R3HCC1: variants seen among roughly 807,000 people sequenced by gnomAD.
R3HCC1 encodes R3H domain and coiled-coil containing 1, also known as R3H and coiled-coil domain-containing protein 1.
R3HCC1 carries 32 observed loss-of-function variants against 40.0 expected under a neutral mutation model. The observed-to-expected ratio is 0.80, with a 90% CI of 0.60 to 1.07. The LOEUF (loss-of-function observed/expected upper bound fraction) is 1.07, where lower values mean the gene tolerates loss of function less well. Ranked by LOEUF, R3HCC1 falls within the 50% of genes least tolerant of loss-of-function variation. The pLI, the probability that R3HCC1 is intolerant of heterozygous loss-of-function variation, is 0.00. For synonymous variants in R3HCC1, 237 were observed against 232.8 expected, an observed-to-expected ratio of 1.02 and a Z score of -0.17; for missense variants, 586 against 563.3, an observed-to-expected ratio of 1.04 and a Z score of -0.41.
Position 23,294,765 on chromosome 8 carries a change from A to G in R3HCC1, c.1097-4A>G. 6.5e-7 allele frequency: 1 copy of G among 1,550,280 alleles called. No individual in the cohort carries two copies. Among genetic ancestry groups the G allele is most frequent in the East Asian group, 2.4e-5 (1 of 40,860 alleles). On this transcript the variant is annotated splice_polypyrimidine_tract_variant and splice_region_variant and intron_variant, in intron 6 of 7. Transcript: ENST00000265806. ...GTGGCTCCACGCCTGCTTTCTTTCC[A>G]CAGCTGCGGAAGCCCTGACCCGGGA...
chr8:23,295,698 G>T, intron 7 of R3HCC1: 1 of 549,610 alleles, frequency 1.8e-6, no homozygotes, highest in Non-Finnish European at 3.3e-6. Flanking sequence ...AGGTGTGCAG[G>T]ATGAACCCCT....
In R3HCC1 at chr8:23,296,032, C is replaced by G; in HGVS notation, c.1258C>G (p.Arg420Gly). 6.4e-6 allele frequency: 10 copies of G among 1,550,738 alleles called. No homozygotes were observed. The highest frequency in any genetic ancestry group is 8.7e-6 in the Non-Finnish European group (10 of 1,146,908). The change falls in exon 8 of 8, where the codon CGG becomes GGG. Residue 420 changes from arginine to glycine, a missense_variant. Coordinates refer to ENST00000265806, the MANE Select transcript of R3HCC1 (RefSeq NM_001136108.3). The stretch of plus-strand genomic sequence containing the variant: ...GACTGTGGCCCGGCGGCTGGTGGCC[C>G]GGGCCCTGGGACTCCAACACAAAAA...
At chr8:23,288,402 TG>T in intron 1 of R3HCC1, 103 bp from the exon 2 acceptor site, 11 of 1,454,054 alleles carry the variant, frequency 7.6e-6, no homozygotes, top group Non-Finnish European at 1.0e-5. Context: ...CACCGAGCCT[TG>T]GACCAGAGGG....
chr8:23,292,190 C>T (rs7827086), intron 5 of R3HCC1, among the ~76,000 whole-genome samples: 3,568 of 152,036 alleles, frequency 0.023, 57 homozygotes, highest in African/African-American at 0.04. Context: ...TGCAGTGGTA[C>T]GATCACAGCT....
At chr8:23,288,456 G>A (rs1211323331) in intron 1 of R3HCC1, 50 bp from the exon 2 acceptor site, 4 of 1,526,762 alleles carry the variant, frequency 2.6e-6, no homozygotes, top group Admixed American at 2.0e-5. Flanking sequence ...GGTCGCGGGA[G>A]ATCCGGGGGT....
rs1170035948 is a variant in R3HCC1 at position 23,295,729 on chromosome 8, CAG to C, written c.1193-234_1193-233del. On this transcript the variant is annotated intron_variant, in intron 7 of 7. Transcript: ENST00000265806. Reference sequence around the variant, plus strand: ...CCCCTCAGCCCCCTCACTGTAGAGACAGAGAAACAAGGGCATGTAGAGGCGAC... The same window carrying C: ...CCCCTCAGCCCCCTCACTGTAGAGACAGAAACAAGGGCATGTAGAGGCGAC... The C allele has an allele frequency of 2.6e-5, 15 of 585,636 alleles. No individual in the cohort carries two copies. In the Admixed American group the frequency reaches 3.1e-4, roughly 12 times the overall value. The allele number at this position is 585,636 out of a possible 1,614,324, so 36.3% of individuals were successfully genotyped here.
At chr8:23,294,584 G>A (rs967071332) in intron 6 of R3HCC1, among the ~76,000 whole-genome samples, 185 bp from the exon 7 acceptor site, 1 of 152,216 alleles carries the variant, frequency 6.6e-6, no homozygotes, top group African/African-American at 2.4e-5. Context: ...GTGCGGGCCT[G>A]TGGGGCTCTG....
In R3HCC1 at chr8:23,291,402, G is replaced by A. The variant is rs1291720677; in HGVS notation, c.894G>A (p.Lys298=). The A allele has an allele frequency of 6.4e-7, 1 of 1,551,820 alleles. No homozygotes were observed. The highest frequency in any genetic ancestry group is 8.7e-7 in the Non-Finnish European group (1 of 1,146,972). ...CGAAGAAGGAGATTCAGATAGAGAA[G>A]ATCCATTTGGACACATCCTCCTTCG... Residue 298 remains lysine (K), a synonymous_variant, in exon 5 of 8, where the codon AAG becomes AAA. Transcript: ENST00000265806.
chr8:23,294,923 A>ATG (rs371962059), intron 7 of R3HCC1, 59 bp downstream of exon 7: 146 of 1,214,626 alleles, frequency 1.2e-4, no homozygotes, highest in African/African-American at 3.5e-4. Context: ...GCGTGCGAGC[A>ATG]TGTGTGTGTG....
intron 1 of R3HCC1, 58 bp downstream of exon 1, chr8:23,288,215 A>C: frequency 8.3e-7 from 1 of 1,203,374 alleles, no homozygotes; most frequent in East Asian, 5.2e-5. Flanking sequence ...CCGGGTGGGA[A>C]GGAGCAGCTG....
In R3HCC1 at chr8:23,288,123, C is replaced by A; in HGVS notation, c.-53C>A. 1.6e-6 allele frequency: 2 copies of A among 1,258,096 alleles called. No homozygotes were observed. Among genetic ancestry groups the A allele is most frequent in the Admixed American group, 2.7e-5 (1 of 37,410 alleles). 77.9% of individuals were successfully genotyped at this position (1,258,096 alleles called of 1,614,324 possible). On this transcript the variant is annotated 5_prime_UTR_variant, in exon 1 of 8. Transcript: ENST00000265806. ...GCTCGGGCGCGCTGGCCCCTGGGGA[C>A]GCCGAGGGCGGCTGCGACGCGCCGA...
intron 5 of R3HCC1, 121 bp downstream of exon 5, chr8:23,291,654 G>A (rs1399507725): frequency 4.1e-6 from 6 of 1,451,506 alleles, no homozygotes; most frequent in East Asian, 2.5e-5. Flanking sequence ...ACAGAAAGTG[G>A]GTGTGTTGCC....
chr8:23,294,923 ATGTGTGTGTGTGCG>A (rs368449069), intron 7 of R3HCC1, 59 bp downstream of exon 7: 14 of 1,215,014 alleles, frequency 1.2e-5, no homozygotes, highest in African/African-American at 4.6e-5. Context: ...GCGTGCGAGC[ATGTGTGTGTGTGCG>A]TGTGTGTGTG....
At position 23,290,183 on chromosome 8, in the gene R3HCC1, C is replaced by G. The variant is rs765200882; in HGVS notation, c.566C>G (p.Thr189Ser). ...GATCAGGGACTCCCTGTGCTGATGA[C>G]TCAGGGAACAGAGGACCTAAAGGGC... The change falls in exon 4 of 8, where the codon ACT becomes AGT. Residue 189 changes from threonine to serine, a missense_variant. Thr to Ser is a moderately conservative substitution (Grantham distance 58, BLOSUM62 1). Coordinates refer to ENST00000265806, the MANE Select transcript of R3HCC1 (RefSeq NM_001136108.3). 1 of 1,551,758 alleles carries G rather than the reference C, an allele frequency of 6.4e-7. No individual in the cohort carries two copies. Among genetic ancestry groups the G allele is most frequent in the South Asian group, 1.2e-5 (1 of 84,068 alleles).
In R3HCC1 at chr8:23,288,804, C is replaced by T. The variant is rs982259110; in HGVS notation, c.110+171C>T. On this transcript the variant is annotated intron_variant, in intron 2 of 7. Coordinates refer to ENST00000265806, the MANE Select transcript of R3HCC1 (RefSeq NM_001136108.3). ...TGCATCTTTGTAATTGTGAGCATCA[C>T]CCCCAGACTGATGGGGCCCGGCACA... is the stretch of plus-strand genomic sequence containing the variant. Among the ~76,000 whole-genome samples the T allele has an allele frequency of 3.9e-5, 6 of 152,130 alleles. No homozygotes were observed. The East Asian group carries it at 7.7e-4, about 20-fold the overall frequency.
rs1414944115 is a variant in R3HCC1 at position 23,289,904 on chromosome 8, C to G, written c.287C>G (p.Ala96Gly). 6.5e-7 allele frequency: 1 copy of G among 1,533,082 alleles called. No homozygotes were observed. Among genetic ancestry groups the G allele is most frequent in the Non-Finnish European group, 8.7e-7 (1 of 1,145,008 alleles). 95.0% of individuals were successfully genotyped at this position (1,533,082 alleles called of 1,614,324 possible). The stretch of plus-strand genomic sequence containing the variant: ...GATGGCCTCTCTGGCCCCTGCCGCG[C>G]TCCTGCCTCCTGCCCCAGCAGGTAC... The change falls in exon 4 of 8, where the codon GCT becomes GGT. Residue 96 changes from alanine to glycine, a missense_variant. Coordinates refer to ENST00000265806, the MANE Select transcript of R3HCC1 (RefSeq NM_001136108.3).
intron 5 of R3HCC1, among the ~76,000 whole-genome samples, chr8:23,292,598 T>C (rs552425415): frequency 1.3e-5 from 2 of 151,956 alleles, no homozygotes; most frequent in African/African-American, 4.8e-5. Context: ...TGGGTGACAG[T>C]GCGAGACTCC....
chr8:23,290,733 C>T (rs1802849925), intron 4 of R3HCC1, among the ~76,000 whole-genome samples: 1 of 152,130 alleles, frequency 6.6e-6, no homozygotes, highest in Non-Finnish European at 1.5e-5. Flanking sequence ...AAACTAAAAC[C>T]AGTTGATAAT....
chr8:23,295,919 C>T, intron 7 of R3HCC1, 48 bp from the exon 8 acceptor site: 6 of 1,504,040 alleles, frequency 4.0e-6, no homozygotes, highest in Admixed American at 2.3e-5. Context: ...GGGGGAGAGG[C>T]AGCCACGACC....
Sources: gnomAD v4.1 joint callset for allele counts (sites outside exome capture counted in the v4.1 genomes callset) on GRCh38, gnomAD v4.1.1 for gene constraint, MANE v1.5 for transcripts, NCBI Gene and HGNC (gene_info 2026-07-23, HGNC 2026-07-21) for gene names.